ST8SIA4: variants seen among roughly 807,000 people sequenced by gnomAD.
The protein encoded by ST8SIA4 is ST8 alpha-N-acetyl-neuraminide alpha-2,8-sialyltransferase 4.
ST8SIA4 carries 15 observed loss-of-function variants against 33.9 expected under a neutral mutation model. That is an observed-to-expected ratio of 0.44 (90% CI 0.30 to 0.68). ST8SIA4 has a LOEUF of 0.68. Among genes scored for constraint, ST8SIA4 ranks in the 30% least tolerant of loss-of-function variants. ST8SIA4 has a pLI of 0.10. For synonymous variants in ST8SIA4, 171 were observed against 151.2 expected (o/e 1.13, Z -0.96); for missense variants, 321 against 428.0 (o/e 0.75, Z 2.21).
chr5:100,844,180 A>C (rs1477179890), intron 4 of ST8SIA4, among the ~76,000 whole-genome samples: 1 of 151,972 alleles, frequency 6.6e-6, no homozygotes, highest in Non-Finnish European at 1.5e-5. Flanking sequence ...TATGCTCCAC[A>C]GGTGACAGCC....
In ST8SIA4 at chr5:100,869,278, T is replaced by A. The variant is rs534762225; in HGVS notation, c.504-12882A>T. ...GTACATTTTTAACCTATGTCTTATT[T>A]ACAGATAAGTATGATAGTTGAAAAA... On this transcript the variant is annotated intron_variant, in intron 3 of 4. Transcript: ENST00000231461. 3.3e-4 allele frequency among the ~76,000 whole-genome samples: 50 copies of A among 152,276 alleles called. No individual in the cohort carries two copies. The South Asian group carries it at 9.5e-3, about 29-fold the overall frequency.
At chr5:100,854,527 G>A (rs757558753) in intron 4 of ST8SIA4, among the ~76,000 whole-genome samples, 2 of 152,090 alleles carry the variant, frequency 1.3e-5, no homozygotes, top group African/African-American at 2.4e-5. Flanking sequence ...AGCTTGTAGT[G>A]AGCCGAGATC....
At chr5:100,816,670 G>A (rs1750926697) in intron 4 of ST8SIA4, 2 of 477,280 alleles carry the variant, frequency 4.2e-6, no homozygotes, top group Admixed American at 5.8e-5. Flanking sequence ...TGTGCCAACA[G>A]TTGTAATTTA....
At chr5:100,836,206 T>C (rs1056803943) in intron 4 of ST8SIA4, among the ~76,000 whole-genome samples, 1 of 152,086 alleles carries the variant, frequency 6.6e-6, no homozygotes, top group African/African-American at 2.4e-5. Context: ...GCTTTGCATA[T>C]AACTCAAATG....
At chr5:100,822,168 T>G (rs548003178) in intron 4 of ST8SIA4, among the ~76,000 whole-genome samples, 2 of 152,202 alleles carry the variant, frequency 1.3e-5, no homozygotes, top group Non-Finnish European at 2.9e-5. Context: ...AATACCTGGA[T>G]TGTTTTTTCC....
Position 100,865,047 on chromosome 5 carries a change from C to T in ST8SIA4, c.504-8651G>A, listed in dbSNP as rs976509098. ...AAATCACTAAAAAAATCATAGTCCC[C>T]GAACAATGGTTATGTCCCTGTCAGG... On this transcript the variant is annotated intron_variant, in intron 3 of 4. Coordinates refer to ENST00000231461, the MANE Select transcript of ST8SIA4 (RefSeq NM_005668.6). Among the ~76,000 whole-genome samples the T allele has an allele frequency of 3.9e-5, 6 of 152,134 alleles. No homozygotes were observed. In the East Asian group the frequency reaches 9.6e-4, roughly 24 times the overall value.
Position 100,811,901 on chromosome 5 carries a change from C to T in ST8SIA4, c.1026G>A (p.Val342=). ...GTTTTAGAGCTCCTCTATTATGTAG[C>T]ACATTTAATGTTTTGAATTCTAATG... ...RMPLEFKTLN[V]LHNRGALKLT... is the part of the protein sequence containing the mutation. The change falls in exon 5 of 5, where the codon GTG becomes GTA. Residue 342 remains valine, a synonymous_variant. Coordinates refer to ENST00000231461, the MANE Select transcript of ST8SIA4 (RefSeq NM_005668.6). 6.2e-7 allele frequency: 1 copy of T among 1,614,088 alleles called. No homozygotes were observed. The highest frequency in any genetic ancestry group is 8.5e-7 in the Non-Finnish European group (1 of 1,179,984).
At chr5:100,897,333 C>T (rs1424512034) in intron 1 of ST8SIA4, among the ~76,000 whole-genome samples, 1 of 152,108 alleles carries the variant, frequency 6.6e-6, no homozygotes, top group Non-Finnish European at 1.5e-5. Flanking sequence ...ACATTTATAT[C>T]TGAATAAATT....
At chr5:100,821,142 A>T (rs1164961595) in intron 4 of ST8SIA4, among the ~76,000 whole-genome samples, 1 of 152,118 alleles carries the variant, frequency 6.6e-6, no homozygotes. Flanking sequence ...AGATCAGATT[A>T]CTTTTTGAAA....
At chr5:100,847,501 C>T (rs1007656636) in intron 4 of ST8SIA4, among the ~76,000 whole-genome samples, 2 of 152,050 alleles carry the variant, frequency 1.3e-5, no homozygotes, top group South Asian at 4.1e-4. Context: ...TTAACCTTTA[C>T]TTTCATTTAA....
chr5:100,826,829 T>C (rs988668798), intron 4 of ST8SIA4, among the ~76,000 whole-genome samples: 2 of 151,862 alleles, frequency 1.3e-5, no homozygotes, highest in Non-Finnish European at 2.9e-5. Flanking sequence ...TGTATAGTTA[T>C]ATGTTGTATA....
intron 4 of ST8SIA4, among the ~76,000 whole-genome samples, chr5:100,813,891 T>C (rs984556140): frequency 2.0e-5 from 3 of 151,946 alleles, no homozygotes; most frequent in Admixed American, 1.3e-4. Context: ...GAAAACAGTA[T>C]TTCCATTAGG....
chr5:100,832,896 A>T (rs906665312), intron 4 of ST8SIA4, among the ~76,000 whole-genome samples: 2 of 152,066 alleles, frequency 1.3e-5, no homozygotes, highest in African/African-American at 4.8e-5. Flanking sequence ...AGAAAATCCA[A>T]TCCACTCTTA....
chr5:100,834,829 C>A (rs989832621), intron 4 of ST8SIA4, among the ~76,000 whole-genome samples: 1 of 152,084 alleles, frequency 6.6e-6, no homozygotes, highest in Non-Finnish European at 1.5e-5. Context: ...CTTGCTGACG[C>A]CTCCCCAGAA....
intron 3 of ST8SIA4, among the ~76,000 whole-genome samples, chr5:100,881,747 A>T (rs1752429125): frequency 6.6e-6 from 1 of 152,152 alleles, no homozygotes; most frequent in African/African-American, 2.4e-5. Flanking sequence ...AATTTGAATC[A>T]TGGGGGTGGT....
chr5:100,850,630 A>G lies in ST8SIA4; in HGVS notation c.797+5473T>C, dbSNP rs1387344247. ...ACAGATCAAAAGCTTAATGTTTAAAATTAAAATATCTGAATACAGATAATA... is the reference window on the plus strand; with the variant it reads ...ACAGATCAAAAGCTTAATGTTTAAAGTTAAAATATCTGAATACAGATAATA... On this transcript the variant is annotated intron_variant, in intron 4 of 4. Coordinates refer to ENST00000231461, the MANE Select transcript of ST8SIA4 (RefSeq NM_005668.6). 2.0e-5 allele frequency among the ~76,000 whole-genome samples: 3 copies of G among 152,160 alleles called. No homozygotes were observed. The East Asian group carries it at 5.8e-4, about 29-fold the overall frequency.
chr5:100,820,686 A>G (rs1345750574), intron 4 of ST8SIA4, among the ~76,000 whole-genome samples: 1 of 152,172 alleles, frequency 6.6e-6, no homozygotes, highest in East Asian at 1.9e-4. Context: ...TTTATTTACC[A>G]TGTCAGATTG....
chr5:100,836,817 G>A (rs1751372086), intron 4 of ST8SIA4, among the ~76,000 whole-genome samples: 1 of 151,716 alleles, frequency 6.6e-6, no homozygotes, highest in Non-Finnish European at 1.5e-5. Flanking sequence ...CTGAAACTTG[G>A]AAAAAAATAA....
rs547920079 is a variant in ST8SIA4 at position 100,886,573 on chromosome 5, T to C, written c.273A>G (p.Ala91=). ...IRKNILRFLD[A]ERDVSVVKSS... The stretch of plus-strand genomic sequence containing the variant: ...TCTTGACCACTGACACATCTCGTTC[T>C]GCATCTAAGAAACGAAGTATGTTCT... Residue 91 remains alanine (A), a synonymous_variant, in exon 3 of 5, where the codon GCA becomes GCG. Coordinates refer to ENST00000231461, the MANE Select transcript of ST8SIA4 (RefSeq NM_005668.6). 1.9e-6 allele frequency: 3 copies of C among 1,613,648 alleles called. No individual in the cohort carries two copies. The highest frequency in any genetic ancestry group is 2.5e-6 in the Non-Finnish European group (3 of 1,179,616).
Sources: allele counts gnomAD v4.1 joint callset (sites outside exome capture counted in the v4.1 genomes callset), GRCh38; gene constraint gnomAD v4.1.1; transcripts MANE v1.5; gene names NCBI Gene and HGNC (gene_info 2026-07-23, HGNC 2026-07-21).